Variants in HSPBP1 observed in about 807,000 individuals in gnomAD.
HSPBP1 encodes the protein HSPA (Hsp70) binding protein 1.
In HSPBP1, 31 loss-of-function variants were observed where a neutral mutation model predicts 41.7. The ratio of observed to expected loss-of-function variants is 0.74; its 90% CI spans 0.56 to 1.00. The LOEUF (loss-of-function observed/expected upper bound fraction) is 1.00. Ranked by LOEUF, HSPBP1 falls within the 50% of genes least tolerant of loss-of-function variation. The pLI is 0.00. For missense variants in HSPBP1, 439 were observed against 487.9 expected, an observed-to-expected ratio of 0.90 and a Z score of 0.94; for synonymous variants, 199 against 214.4, an observed-to-expected ratio of 0.93 and a Z score of 0.63.
At chr19:55,276,799 AGAG>A (rs1314636734) in intron 3 of HSPBP1, among the ~76,000 whole-genome samples, 1 of 152,100 alleles carries the variant, frequency 6.6e-6, no homozygotes, top group African/African-American at 2.4e-5. Context: ...ATGCGCTCAC[AGAG>A]GAGGGCTTCC....
rs548371878 is a variant in HSPBP1, at chr19:55,262,800, C to T, written c.1006-118G>A. The T allele has an allele frequency of 1.4e-5, 12 of 852,684 alleles. No homozygotes were observed. The South Asian group carries it at 1.6e-4, about 11-fold the overall frequency. The allele number at this position is 852,684 out of a possible 1,614,324, so 52.8% of individuals were successfully genotyped here. ...TCTCCTGGCCACCACCCACTCCCCC[C>T]CACCAGAGGTTAGGCTTTTTTAATC... On this transcript the variant is annotated intron_variant, in intron 7 of 7. Coordinates refer to ENST00000433386, the MANE Select transcript of HSPBP1 (RefSeq NM_012267.5).
At chr19:55,274,346 C>CCCCCCCCCCCCCCCCCCCCCCCCCCCG in intron 4 of HSPBP1, 52 bp downstream of exon 4, 6 of 398,854 alleles carry the variant, frequency 1.5e-5, no homozygotes, top group East Asian at 5.6e-5. Context: ...GCCCACCCGG[C>CCCCCCCCCCCCCCCCCCCCCCCCCCCG]ACCCCCCCCC....
intron 3 of HSPBP1, among the ~76,000 whole-genome samples, chr19:55,276,832 G>A (rs766862905): frequency 2.0e-5 from 3 of 152,046 alleles, no homozygotes; most frequent in Non-Finnish European, 4.4e-5. Flanking sequence ...TCCAGCCCCT[G>A]TCCAAAATGA....
rs1426890718 is a variant in HSPBP1, at chr19:55,272,908, A to G, written c.640+1490T>C. ...GATAGTGACTGCCGATAGCCATACCACCCCGAACGCGTCTGATCACATCTA... is the reference window on the plus strand; with the variant it reads ...GATAGTGACTGCCGATAGCCATACCGCCCCGAACGCGTCTGATCACATCTA... On this transcript the variant is annotated intron_variant, in intron 4 of 7. Transcript: ENST00000433386. This position sits in a 1 kb window ranked among gnomAD's most constrained non-coding sequence, Gnocchi z 4.2. Among the ~76,000 whole-genome samples, 2 of 152,056 alleles carry G rather than the reference A, an allele frequency of 1.3e-5. No individual in the cohort carries two copies. The highest frequency in any genetic ancestry group is 2.9e-5 in the Non-Finnish European group (2 of 68,004).
At chr19:55,278,786 T>C (rs2122890316) in intron 2 of HSPBP1, among the ~76,000 whole-genome samples, 1 of 152,244 alleles carries the variant, frequency 6.6e-6, no homozygotes, top group Admixed American at 6.5e-5. Context: ...TGGTGGCCCA[T>C]GCCTCTAATC....
rs1046649239 is a variant in HSPBP1 at position 55,280,033 on chromosome 19, A to C, written c.-95+2T>G. ...GGGGCGCCGGAATAAGGCGGATCTC[A>C]CCTCCCCGGGTCCTCAAGCCGCCGC... On this transcript the variant is annotated splice_donor_variant, in intron 1 of 7. Transcript: ENST00000433386. LOFTEE classifies it low-confidence loss of function (5UTR_SPLICE). 1.6e-5 allele frequency: 4 copies of C among 247,102 alleles called. No homozygotes were observed. The highest frequency in any genetic ancestry group is 5.8e-5 in the Admixed American group (1 of 17,390). The allele number at this position is 247,102 out of a possible 1,614,324, so 15.3% of individuals were successfully genotyped here. A position where few individuals can be genotyped will look rare whatever the true frequency, so the allele number is the denominator to read the frequency against.
Position 55,262,520 on chromosome 19 carries a change from C to A in HSPBP1, c.*88G>T. The A allele has an allele frequency of 6.4e-7, 1 of 1,561,430 alleles. No homozygotes were observed. The highest frequency in any genetic ancestry group is 8.7e-7 in the Non-Finnish European group (1 of 1,152,838). ...CCTGGGTCCAGGCACCTAGGCCCTG[C>A]GATCCCTTGGGAGAGGGCCTTGTAG... On this transcript the variant is annotated 3_prime_UTR_variant, in exon 8 of 8. Transcript: ENST00000433386.
intron 2 of HSPBP1, among the ~76,000 whole-genome samples, chr19:55,278,536 C>G (rs192551318): frequency 5.3e-5 from 8 of 152,100 alleles, no homozygotes; most frequent in African/African-American, 1.7e-4. Flanking sequence ...ATCCCCACTT[C>G]GCAGATGAGA....
At chr19:55,274,343 C>G in intron 4 of HSPBP1, 55 bp downstream of exon 4, 2 of 639,920 alleles carry the variant, frequency 3.1e-6, no homozygotes, top group Admixed American at 2.8e-5. Context: ...GGGGCCCACC[C>G]GGCACCCCCC....
chr19:55,266,242 G>A lies in HSPBP1; in HGVS notation c.685C>T (p.Leu229=). 5 of 1,583,914 alleles carry A rather than the reference G, an allele frequency of 3.2e-6. No individual in the cohort carries two copies. Among genetic ancestry groups the A allele is most frequent in the Non-Finnish European group, 4.3e-6 (5 of 1,165,388 alleles). The change falls in exon 5 of 8, where the codon CTG becomes TTG. Residue 229 remains leucine (L), a synonymous_variant. Coordinates refer to ENST00000433386, the MANE Select transcript of HSPBP1 (RefSeq NM_012267.5). ...QEAGLLQFLR[L]DGFSVLMRAM... Reference sequence around the variant, plus strand: ...CTCATCAACACAGAGAAGCCGTCCAGGCGGAGGAACTGCAGCAGCCCAGCC... The same window carrying A: ...CTCATCAACACAGAGAAGCCGTCCAAGCGGAGGAACTGCAGCAGCCCAGCC...
chr19:55,267,958 T>C (rs2087830338), intron 4 of HSPBP1, among the ~76,000 whole-genome samples: 1 of 152,204 alleles, frequency 6.6e-6, no homozygotes, highest in Admixed American at 6.5e-5. Flanking sequence ...AGGTGCCCCC[T>C]CCTGGGTAGG....
chr19:55,275,596 A>G (rs1427047608), intron 3 of HSPBP1, among the ~76,000 whole-genome samples: 1 of 151,768 alleles, frequency 6.6e-6, no homozygotes, highest in Admixed American at 6.6e-5. Context: ...GGAGTTCGAG[A>G]CCAGCCCAGG....
At chr19:55,274,359 CGCCAG>C in intron 4 of HSPBP1, 34 bp downstream of exon 4, 4 of 853,670 alleles carry the variant, frequency 4.7e-6, no homozygotes, top group East Asian at 3.1e-5. Flanking sequence ...CCCCCCCCAC[CGCCAG>C]CACCCCTGTC....
In HSPBP1 at chr19:55,262,676, G is replaced by C; in HGVS notation, c.1012C>G (p.Leu338Val). 1.2e-6 allele frequency: 2 copies of C among 1,612,886 alleles called. No individual in the cohort carries two copies. The highest frequency in any genetic ancestry group is 1.3e-5 in the African/African-American group (1 of 75,030). ...LQQHEEYQEE[L>V]EFCEKLLQTC... ...TGTAGCAGCTTTTCACAGAACTCCA[G>C]CTCCTCCTGGATTGGGCAGGGGCAG... Residue 338 changes from leucine to valine, a missense_variant, in exon 8 of 8, where the codon CTG becomes GTG. Leu to Val is a conservative substitution (Grantham distance 32). Transcript: ENST00000433386.
Position 55,266,113 on chromosome 19 carries a change from A to T in HSPBP1, c.796+18T>A. ...GCGTCTGCTCCCCACTCCTGCCCTC[A>T]CTCAAGGGCTGCCACACCTTTGTGT... On this transcript the variant is annotated intron_variant, in intron 5 of 7. Coordinates refer to ENST00000433386, the MANE Select transcript of HSPBP1 (RefSeq NM_012267.5). The T allele has an allele frequency of 6.3e-7, 1 of 1,597,536 alleles. No individual in the cohort carries two copies. Among genetic ancestry groups the T allele is most frequent in the Non-Finnish European group, 8.5e-7 (1 of 1,172,260 alleles).
rs867800432 is a variant in HSPBP1 at position 55,266,200 on chromosome 19, C to G, written c.727G>C (p.Val243Leu). 3 of 1,584,812 alleles carry G rather than the reference C, an allele frequency of 1.9e-6. No individual in the cohort carries two copies. Among genetic ancestry groups the G allele is most frequent in the Non-Finnish European group, 2.6e-6 (3 of 1,165,706 alleles). Residue 243 changes from valine (V) to leucine (L), a missense_variant, in exon 5 of 8, where the codon GTG becomes CTG. Physicochemically the swap from Val to Leu is conservative, Grantham distance 32. Transcript: ENST00000433386. Reference protein sequence around the residue: ...SVLMRAMQQQVQKLKVKSAFL... With the variant: ...SVLMRAMQQQLQKLKVKSAFL... ...GCTGATTTGACCTTGAGCTTCTGCA[C>G]CTGCTGCTGCATGGCCCTCATCAAC...
chr19:55,271,133 G>C (rs958961053), intron 4 of HSPBP1, among the ~76,000 whole-genome samples: 9 of 152,240 alleles, frequency 5.9e-5, no homozygotes, highest in Middle Eastern at 3.4e-3. Context: ...ACCAGGTTTG[G>C]GGACAGGGAC....
intron 6 of HSPBP1, 38 bp from the exon 7 acceptor site, chr19:55,265,427 C>G: frequency 6.5e-7 from 1 of 1,537,116 alleles, no homozygotes; most frequent in Non-Finnish European, 9.0e-7. Context: ...GGACCTCCCT[C>G]TAGAGGCCTC....
chr19:55,280,081 C>G lies in HSPBP1; in HGVS notation c.-141G>C, dbSNP rs2088192452. ...CGCTGCTCCTACAGACAAAGTCGTC[C>G]GCACCTGACTCTGCTGGGCGCCGCC... On this transcript the variant is annotated 5_prime_UTR_variant, in exon 1 of 8. Coordinates refer to ENST00000433386, the MANE Select transcript of HSPBP1 (RefSeq NM_012267.5). 4.3e-6 allele frequency: 1 copy of G among 230,064 alleles called. No individual in the cohort carries two copies. Among genetic ancestry groups the G allele is most frequent in the African/African-American group, 2.4e-5 (1 of 42,086 alleles). 14.3% of individuals were successfully genotyped at this position (230,064 alleles called of 1,614,324 possible).
Sources: allele counts gnomAD v4.1 joint callset (sites outside exome capture counted in the v4.1 genomes callset), GRCh38; gene constraint gnomAD v4.1.1; non-coding constraint Gnocchi (gnomAD v3.1); transcripts MANE v1.5; gene names NCBI Gene and HGNC (gene_info 2026-07-23, HGNC 2026-07-21).